PARD3B: variants seen among roughly 807,000 people sequenced by gnomAD.
The protein encoded by PARD3B is par-3 family cell polarity regulator beta.
A neutral mutation model predicts 130.2 loss-of-function variants in PARD3B; 103 were observed. The ratio of observed to expected loss-of-function variants is 0.79; its 90% CI spans 0.67 to 0.93. PARD3B has a LOEUF of 0.93. Ranked by LOEUF, PARD3B falls within the 40% of genes least tolerant of loss-of-function variation. PARD3B has a pLI of 0.00. For synonymous variants in PARD3B, 583 were observed against 553.2 expected (o/e 1.05, Z -0.76); for missense variants, 1,609 against 1,499.2 (o/e 1.07, Z -1.21).
intron 2 of PARD3B, among the ~76,000 whole-genome samples, chr2:204,818,654 A>G (rs777098735): frequency 1.5e-4 from 23 of 152,210 alleles, no homozygotes; most frequent in Non-Finnish European, 2.9e-4. Context: ...AATGAAGTTG[A>G]GTTAATAGGT....
Position 205,183,483 on chromosome 2 carries a change from T to A in PARD3B, c.1925-2281T>A, listed in dbSNP as rs543703736. On this transcript the variant is annotated intron_variant, in intron 13 of 22. Coordinates refer to ENST00000406610, the MANE Select transcript of PARD3B (RefSeq NM_001302769.2). The surrounding 1 kb of genome is among the most constrained non-coding windows in gnomAD (Gnocchi z 5.2). ...TCTTAGCAAGTCTTGAATGCCTGAC[T>A]GCTGCCACCACTAACAAATCAATGG... Among the ~76,000 whole-genome samples, 532 of 152,276 alleles carry A rather than the reference T, an allele frequency of 3.5e-3. 1 individual carries two copies. The highest frequency in any genetic ancestry group is 4.9e-3 in the Non-Finnish European group (334 of 68,008).
chr2:205,494,871 T>C (rs2049866857), intron 20 of PARD3B, among the ~76,000 whole-genome samples: 1 of 152,152 alleles, frequency 6.6e-6, no homozygotes, highest in African/African-American at 2.4e-5. Context: ...GTGTGTAAAA[T>C]GTCAACAACA....
chr2:205,450,304 G>A (rs2048051685), intron 20 of PARD3B, among the ~76,000 whole-genome samples: 1 of 152,044 alleles, frequency 6.6e-6, no homozygotes, highest in Non-Finnish European at 1.5e-5. Flanking sequence ...TTGGGAACCT[G>A]TTGGAGTCCA....
In PARD3B at chr2:205,288,475, T is replaced by C. The variant is rs2041479395; in HGVS notation, c.2186-12055T>C. On this transcript the variant is annotated intron_variant, in intron 16 of 22. Transcript: ENST00000406610. The surrounding 1 kb of genome is among the most constrained non-coding windows in gnomAD (Gnocchi z 4.0). ...TTCCCTTTAATTTATTCTATGTGTG[T>C]CTTCCATATTATTTTTTCTCTGAAT... Among the ~76,000 whole-genome samples the C allele has an allele frequency of 6.6e-6, 1 of 152,180 alleles. No individual in the cohort carries two copies. The highest frequency in any genetic ancestry group is 2.1e-4 in the South Asian group (1 of 4,830).
intron 2 of PARD3B, among the ~76,000 whole-genome samples, chr2:204,941,543 A>G (rs1400321794): frequency 6.6e-6 from 1 of 152,214 alleles, no homozygotes; most frequent in Admixed American, 6.5e-5. Flanking sequence ...TTACTGCTGC[A>G]CCTTTCCCAT....
intron 15 of PARD3B, among the ~76,000 whole-genome samples, chr2:205,198,090 GC>G (rs2036791907): frequency 6.6e-6 from 1 of 152,154 alleles, no homozygotes; most frequent in African/African-American, 2.4e-5. Flanking sequence ...CAGTTTGTTG[GC>G]CCCCTTTGTT....
chr2:204,918,598 C>A (rs2047541163), intron 2 of PARD3B, among the ~76,000 whole-genome samples: 3 of 148,924 alleles, frequency 2.0e-5, no homozygotes, highest in Non-Finnish European at 4.4e-5. Flanking sequence ...CCACTGCACT[C>A]CAGCCTGGGC....
intron 2 of PARD3B, among the ~76,000 whole-genome samples, chr2:204,894,310 T>G (rs2046561812): frequency 6.6e-6 from 1 of 152,150 alleles, no homozygotes; most frequent in Non-Finnish European, 1.5e-5. Context: ...ATACAGACAT[T>G]TTCTTTAAAC....
chr2:205,275,136 C>CTGTT (rs1386059549), intron 16 of PARD3B, among the ~76,000 whole-genome samples: 1 of 151,224 alleles, frequency 6.6e-6, no homozygotes, highest in East Asian at 2.0e-4. Flanking sequence ...TATATAATCA[C>CTGTT]AAATCAAACC....
intron 18 of PARD3B, among the ~76,000 whole-genome samples, chr2:205,339,776 C>T (rs1247188552): frequency 1.3e-5 from 2 of 151,980 alleles, no homozygotes; most frequent in Admixed American, 6.6e-5. Context: ...ACAAGGACAC[C>T]GACCGGGATG....
At chr2:204,804,415 A>C (rs943377062) in intron 2 of PARD3B, among the ~76,000 whole-genome samples, 5 of 152,222 alleles carry the variant, frequency 3.3e-5, no homozygotes, top group African/African-American at 9.6e-5. Flanking sequence ...TCATTATATA[A>C]TGATAAAGGG....
chr2:205,178,143 TAAAAAAAAAAAAAAAAAAAAA>T (rs58267787), intron 13 of PARD3B, among the ~76,000 whole-genome samples: 2 of 20,772 alleles, frequency 9.6e-5, no homozygotes, highest in Non-Finnish European at 1.6e-4. Context: ...CCATCTGTAC[TAAAAAAAAAAAAAAAAAAAAA>T]AAAAAAAAAA....
intron 1 of PARD3B, among the ~76,000 whole-genome samples, chr2:204,662,861 G>T (rs2035873599): frequency 6.6e-6 from 1 of 152,124 alleles, no homozygotes; most frequent in Non-Finnish European, 1.5e-5. Flanking sequence ...GAATTATTAT[G>T]GAAATAGCTT....
chr2:204,627,258 C>T (rs1419592918), intron 1 of PARD3B, among the ~76,000 whole-genome samples: 1 of 152,090 alleles, frequency 6.6e-6, no homozygotes, highest in Non-Finnish European at 1.5e-5. Context: ...AGTGTGAAAA[C>T]TGACTAATAC....
chr2:205,023,469 T>G (rs1372812150), intron 3 of PARD3B, among the ~76,000 whole-genome samples: 1 of 151,394 alleles, frequency 6.6e-6, no homozygotes, highest in Non-Finnish European at 1.5e-5. Context: ...TTTTTTTTTT[T>G]TTTTGGTAAA....
intron 2 of PARD3B, among the ~76,000 whole-genome samples, chr2:204,884,772 G>A (rs760679362): frequency 6.6e-6 from 1 of 152,154 alleles, no homozygotes; most frequent in Non-Finnish European, 1.5e-5. Context: ...TGAGGATAAC[G>A]GCTTGTGGTC....
chr2:205,617,792 T>A lies in PARD3B; in HGVS notation c.*1979T>A, dbSNP rs1301802382. The A allele has an allele frequency of 6.6e-6, 1 of 152,150 alleles. No homozygotes were observed. Among genetic ancestry groups the A allele is most frequent in the Non-Finnish European group, 1.5e-5 (1 of 68,040 alleles). 9.4% of individuals were successfully genotyped at this position (152,150 alleles called of 1,614,324 possible). A position where few individuals can be genotyped will look rare whatever the true frequency, so the allele number is the denominator to read the frequency against. On this transcript the variant is annotated 3_prime_UTR_variant, in exon 23 of 23. Coordinates refer to ENST00000406610, the MANE Select transcript of PARD3B (RefSeq NM_001302769.2). ...CCTTCCCCTCGAGTTGAATACACCT[T>A]AAGGAAAATGATAACACGAGGGACG...
At chr2:205,137,072 G>C (rs560245453) in intron 10 of PARD3B, among the ~76,000 whole-genome samples, 1 of 152,284 alleles carries the variant, frequency 6.6e-6, no homozygotes, top group South Asian at 2.1e-4. Flanking sequence ...TAAGAATATA[G>C]CATGGTACCT....
intron 18 of PARD3B, among the ~76,000 whole-genome samples, chr2:205,346,167 G>A (rs560876613): frequency 1.1e-3 from 128 of 114,680 alleles, no homozygotes; most frequent in East Asian, 3.2e-3. Context: ...GTGAGACTCC[G>A]TCTCAAAATA....
Sources: gnomAD v4.1 joint callset for allele counts (sites outside exome capture counted in the v4.1 genomes callset) on GRCh38, gnomAD v4.1.1 for gene constraint, Gnocchi (gnomAD v3.1) non-coding constraint, MANE v1.5 for transcripts, NCBI Gene and HGNC (gene_info 2026-07-23, HGNC 2026-07-21) for gene names.